Variants in DNAJC15 observed in about 807,000 individuals in gnomAD.
DNAJC15 encodes the protein dnaJ homolog subfamily C member 15.
Under a neutral mutation model 22.4 loss-of-function variants are expected in DNAJC15, and 27 were observed. The observed-to-expected ratio is 1.20, with a 90% CI of 0.89 to 1.66. DNAJC15 has a LOEUF of 1.66. Among genes scored for constraint, DNAJC15 ranks in the 40% most tolerant of loss-of-function variants. The pLI is 0.00. For synonymous variants in DNAJC15, 79 were observed against 63.2 expected, an observed-to-expected ratio of 1.25 and a Z score of -1.19; for missense variants, 208 against 187.1, an observed-to-expected ratio of 1.11 and a Z score of -0.65.
At chr13:43,084,931 G>T (rs1452560311) in intron 4 of DNAJC15, among the ~76,000 whole-genome samples, 2 of 152,108 alleles carry the variant, frequency 1.3e-5, no homozygotes, top group Non-Finnish European at 2.9e-5. Context: ...TCCAGGTACT[G>T]TTCTAACATT....
intron 1 of DNAJC15, among the ~76,000 whole-genome samples, chr13:43,030,622 A>G (rs1202690610): frequency 1.3e-5 from 2 of 152,210 alleles, no homozygotes; most frequent in Admixed American, 6.5e-5. Flanking sequence ...GGAGTCGTAC[A>G]TTATTAGGTA....
In DNAJC15 at chr13:43,065,716, G is replaced by T. The variant is rs1566208325; in HGVS notation, c.139G>T (p.Val47Phe). ...VRSLIAVGLG[V>F]AALAFAGRYA... ...AAGTTTGATAGCTGTAGGACTGGGTGTTGCAGCTCTTGCATTTGCAGGTAA... is the reference window on the plus strand; with the variant it reads ...AAGTTTGATAGCTGTAGGACTGGGTTTTGCAGCTCTTGCATTTGCAGGTAA... The change falls in exon 2 of 6, where the codon GTT becomes TTT. Residue 47 changes from valine (V) to phenylalanine (F), a missense_variant. Val to Phe is a conservative substitution (Grantham distance 50). Transcript: ENST00000379221. The T allele has an allele frequency of 3.7e-6, 6 of 1,613,240 alleles. No individual in the cohort carries two copies. The highest frequency in any genetic ancestry group is 5.1e-6 in the Non-Finnish European group (6 of 1,179,668).
At chr13:43,044,679 A>C (rs987795221) in intron 1 of DNAJC15, among the ~76,000 whole-genome samples, 1 of 152,058 alleles carries the variant, frequency 6.6e-6, no homozygotes, top group African/African-American at 2.4e-5. Flanking sequence ...TTGAAGCATG[A>C]CCATATGTTA....
At chr13:43,037,337 A>G (rs956640676) in intron 1 of DNAJC15, among the ~76,000 whole-genome samples, 1 of 152,222 alleles carries the variant, frequency 6.6e-6, no homozygotes, top group Non-Finnish European at 1.5e-5. Context: ...TGGAGACTTC[A>G]AAGTCAGTAT....
At chr13:43,072,383 A>G (rs1361094216) in intron 3 of DNAJC15, among the ~76,000 whole-genome samples, 1 of 152,054 alleles carries the variant, frequency 6.6e-6, no homozygotes, top group Non-Finnish European at 1.5e-5. Context: ...GAACAGAGAG[A>G]TGAGAAAGAT....
intron 5 of DNAJC15, among the ~76,000 whole-genome samples, chr13:43,102,145 G>A (rs2040772399): frequency 6.6e-6 from 1 of 151,910 alleles, no homozygotes; most frequent in Non-Finnish European, 1.5e-5. Context: ...AGATGGTATG[G>A]CATTCTGGTT....
intron 1 of DNAJC15, among the ~76,000 whole-genome samples, chr13:43,028,859 T>G (rs184961683): frequency 2.6e-4 from 39 of 152,338 alleles, no homozygotes; most frequent in Admixed American, 2.5e-3. Flanking sequence ...ACTGTGTGTT[T>G]CCTTAGGAAG....
chr13:43,034,305 CTTTTTTTTTTTTTTT>C lies in DNAJC15; in HGVS notation c.108+10585_108+10599del, dbSNP rs753362468. ...AATTCTTCTGTATGGGAGATTTGTCCTTTTTTTTTTTTTTTTTTTTTTTTTTTTGAGACAGAGTCT... is the reference window on the plus strand; with the variant it reads ...AATTCTTCTGTATGGGAGATTTGTCCTTTTTTTTTTTTTGAGACAGAGTCT... On this transcript the variant is annotated intron_variant, in intron 1 of 5. Coordinates refer to ENST00000379221, the MANE Select transcript of DNAJC15 (RefSeq NM_013238.3). 1.3e-3 allele frequency among the ~76,000 whole-genome samples: 78 copies of C among 60,608 alleles called. 2 individuals carry two copies. Among genetic ancestry groups the C allele is most frequent in the African/African-American group, 5.1e-3 (68 of 13,278 alleles). 39.8% of individuals were successfully genotyped at this position (60,608 alleles called of 152,430 possible).
chr13:43,065,620 A>G, intron 1 of DNAJC15, 66 bp from the exon 2 acceptor site: 1 of 1,289,994 alleles, frequency 7.8e-7, no homozygotes, highest in Non-Finnish European at 1.1e-6. Context: ...TCTCATTATT[A>G]AAAATGATTT....
chr13:43,065,263 T>G (rs1419931690), intron 1 of DNAJC15, among the ~76,000 whole-genome samples: 1 of 152,218 alleles, frequency 6.6e-6, no homozygotes, highest in African/African-American at 2.4e-5. Context: ...TTCCTAAACA[T>G]TGATGTAAGG....
intron 5 of DNAJC15, among the ~76,000 whole-genome samples, chr13:43,097,407 C>A (rs1429344838): frequency 1.3e-5 from 2 of 152,008 alleles, no homozygotes; most frequent in Non-Finnish European, 2.9e-5. Context: ...AGAGGAAGCC[C>A]AAGGCTAAAT....
chr13:43,080,597 C>T (rs1478515721), intron 4 of DNAJC15, among the ~76,000 whole-genome samples: 36 of 152,224 alleles, frequency 2.4e-4, no homozygotes, highest in Admixed American at 2.1e-3. Context: ...CTGAGTCTGT[C>T]GCTTAGGCGC....
In DNAJC15 at chr13:43,078,597, T is replaced by C. The variant is rs2040646629; in HGVS notation, c.235-15T>C. ...CGTGGAACTAATGATTTCTTGCTCT[T>C]TCTTTCCTATACAGAGCTTTTCATC... On this transcript the variant is annotated splice_polypyrimidine_tract_variant and intron_variant, in intron 3 of 5. Coordinates refer to ENST00000379221, the MANE Select transcript of DNAJC15 (RefSeq NM_013238.3). The C allele has an allele frequency of 6.2e-6, 10 of 1,607,766 alleles. No homozygotes were observed. Among genetic ancestry groups the C allele is most frequent in the Non-Finnish European group, 7.7e-6 (9 of 1,175,616 alleles).
chr13:43,067,985 T>A (rs1428256851), intron 2 of DNAJC15, among the ~76,000 whole-genome samples: 2 of 152,188 alleles, frequency 1.3e-5, no homozygotes, highest in African/African-American at 4.8e-5. Flanking sequence ...TCTGGCATCC[T>A]GTCTTTCACT....
rs1383224885 is a variant in DNAJC15 at position 43,075,241 on chromosome 13, TTC to T, written c.235-3369_235-3368del. Among the ~76,000 whole-genome samples, 12 of 152,310 alleles carry T rather than the reference TTC, an allele frequency of 7.9e-5. No homozygotes were observed. In the East Asian group the frequency reaches 2.3e-3, roughly 29 times the overall value. On this transcript the variant is annotated intron_variant, in intron 3 of 5. Coordinates refer to ENST00000379221, the MANE Select transcript of DNAJC15 (RefSeq NM_013238.3). ...TAATAAAATCAGTGTTCATATGAACTTCTTCCCGACACTAGATTTTTGGCAGC... is the reference window on the plus strand; with the variant it reads ...TAATAAAATCAGTGTTCATATGAACTTTCCCGACACTAGATTTTTGGCAGC...
chr13:43,113,255 G>A lies in DNAJC15; in HGVS notation c.*6007G>A, dbSNP rs553579778. On this transcript the variant is annotated 3_prime_UTR_variant, in exon 6 of 6. Transcript: ENST00000379221. ...CCGAATATATTGAAAGGAGCAGAGA[G>A]GCAATGAAAACAAGACAACTGAAAT... The A allele has an allele frequency of 4.6e-5, 7 of 152,188 alleles. No individual in the cohort carries two copies. The highest frequency in any genetic ancestry group is 2.6e-4 in the Admixed American group (4 of 15,276). The allele number at this position is 152,188 out of a possible 1,614,324, so 9.4% of individuals were successfully genotyped here.
At chr13:43,047,378 G>C (rs2040483347) in intron 1 of DNAJC15, among the ~76,000 whole-genome samples, 1 of 152,172 alleles carries the variant, frequency 6.6e-6, no homozygotes, top group African/African-American at 2.4e-5. Flanking sequence ...GTTTGGGTGA[G>C]AGGTGAGTGA....
intron 2 of DNAJC15, among the ~76,000 whole-genome samples, chr13:43,068,305 CAG>C (rs2040592841): frequency 6.6e-6 from 1 of 151,968 alleles, no homozygotes; most frequent in African/African-American, 2.4e-5. Flanking sequence ...TGTTAAAACT[CAG>C]GGGAGTTTTG....
At chr13:43,100,724 AG>A (rs2040764589) in intron 5 of DNAJC15, among the ~76,000 whole-genome samples, 1 of 152,162 alleles carries the variant, frequency 6.6e-6, no homozygotes, top group African/African-American at 2.4e-5. Flanking sequence ...TGTGCATTTG[AG>A]AAAAATTGCG....
Sources: gnomAD v4.1 joint callset for allele counts (sites outside exome capture counted in the v4.1 genomes callset) on GRCh38, gnomAD v4.1.1 for gene constraint, MANE v1.5 for transcripts, NCBI Gene and HGNC (gene_info 2026-07-23, HGNC 2026-07-21) for gene names.